MYO1B: variants seen among roughly 807,000 people sequenced by gnomAD.
The protein encoded by MYO1B is unconventional myosin-Ib.
Under a neutral mutation model 159.7 loss-of-function variants are expected in MYO1B, and 72 were observed. That is an observed-to-expected ratio of 0.45 (90% CI 0.37 to 0.55). The LOEUF (loss-of-function observed/expected upper bound fraction) is 0.55, where lower values mean the gene tolerates loss of function less well. MYO1B is among the 20% of genes least tolerant of loss of function. MYO1B has a pLI of 0.00. For synonymous variants in MYO1B, 468 were observed against 473.8 expected (o/e 0.99, Z 0.16); for missense variants, 1,062 against 1,364.8 (o/e 0.78, Z 3.50).
At chr2:191,281,731 C>T (rs1688074510) in intron 2 of MYO1B, among the ~76,000 whole-genome samples, 3 of 152,060 alleles carry the variant, frequency 2.0e-5, no homozygotes, top group African/African-American at 7.2e-5. Context: ...AGAACAAGGC[C>T]CAGTACAAAT....
At chr2:191,313,263 T>A (rs986244926) in intron 3 of MYO1B, among the ~76,000 whole-genome samples, 3 of 126,482 alleles carry the variant, frequency 2.4e-5, no homozygotes. Context: ...CAGGCTGGAG[T>A]GCAGTGGTGC....
intron 2 of MYO1B, among the ~76,000 whole-genome samples, chr2:191,285,149 AAG>A (rs1338543166): frequency 2.0e-5 from 3 of 152,216 alleles, no homozygotes; most frequent in Non-Finnish European, 2.9e-5. Flanking sequence ...CCATGCTGTT[AAG>A]AGAGTTTTAT....
chr2:191,396,531 G>C, intron 21 of MYO1B, 34 bp downstream of exon 21: 1 of 1,607,612 alleles, frequency 6.2e-7, no homozygotes, highest in Non-Finnish European at 8.5e-7. Flanking sequence ...TATTTATTTT[G>C]GGTTTTCTGG....
intron 9 of MYO1B, 139 bp from the exon 10 acceptor site, chr2:191,363,589 C>G: frequency 8.5e-7 from 1 of 1,171,462 alleles, no homozygotes; most frequent in South Asian, 1.8e-5. Flanking sequence ...CCTCGAATCA[C>G]AGTTGGAAAC....
intron 2 of MYO1B, 115 bp from the exon 3 acceptor site, chr2:191,295,996 G>T: frequency 2.2e-6 from 1 of 447,712 alleles, no homozygotes; most frequent in Non-Finnish European, 3.9e-6. Flanking sequence ...AATGAATGGT[G>T]AAGCAGAACT....
In MYO1B at chr2:191,367,842, A is replaced by G. The variant is rs552969547; in HGVS notation, c.1033-1700A>G. The stretch of plus-strand genomic sequence containing the variant: ...ATACTTCAGAAATCAATATAAGTAC[A>G]TCTATAGACTAACTGTGTGCTAGGC... On this transcript the variant is annotated intron_variant, in intron 11 of 30. Coordinates refer to ENST00000392318, the MANE Select transcript of MYO1B (RefSeq NM_001130158.3). Among the ~76,000 whole-genome samples, 3 of 152,360 alleles carry G rather than the reference A, an allele frequency of 2.0e-5. No homozygotes were observed. In the East Asian group the frequency reaches 5.8e-4, roughly 29 times the overall value.
intron 20 of MYO1B, 99 bp downstream of exon 20, chr2:191,393,321 C>T (rs1374142536): frequency 4.5e-6 from 6 of 1,323,058 alleles, no homozygotes; most frequent in East Asian, 2.5e-5. Context: ...ACTTAATTCT[C>T]CCAACAACCT....
intron 13 of MYO1B, among the ~76,000 whole-genome samples, chr2:191,380,297 A>T (rs571087804): frequency 6.6e-6 from 1 of 152,286 alleles, no homozygotes; most frequent in African/African-American, 2.4e-5. Context: ...CACTTCTATC[A>T]TGTATGGAGG....
intron 29 of MYO1B, among the ~76,000 whole-genome samples, chr2:191,415,670 A>G (rs1022518992): frequency 6.6e-6 from 1 of 151,078 alleles, no homozygotes; most frequent in Non-Finnish European, 1.5e-5. Context: ...CTGCCCTAGG[A>G]TATTTGTTGG....
intron 7 of MYO1B, among the ~76,000 whole-genome samples, chr2:191,357,532 T>C (rs1455800920): frequency 6.6e-6 from 1 of 152,244 alleles, no homozygotes; most frequent in Non-Finnish European, 1.5e-5. Flanking sequence ...GTGAGGAGGA[T>C]GTAGCTGCAT....
chr2:191,279,961 C>T (rs1687959868), intron 2 of MYO1B, among the ~76,000 whole-genome samples: 2 of 152,144 alleles, frequency 1.3e-5, no homozygotes, highest in African/African-American at 4.8e-5. Context: ...CACCCATAGC[C>T]TCAGCAATCT....
chr2:191,386,261 CTTA>C (rs895413157), intron 16 of MYO1B, among the ~76,000 whole-genome samples, 177 bp downstream of exon 16: 10 of 152,168 alleles, frequency 6.6e-5, no homozygotes, highest in African/African-American at 1.9e-4. Context: ...TGACTAAAAT[CTTA>C]TTAATACAGA....
chr2:191,358,252 G>A (rs1356281094), intron 7 of MYO1B, among the ~76,000 whole-genome samples: 1 of 152,280 alleles, frequency 6.6e-6, no homozygotes, highest in Non-Finnish European at 1.5e-5. Context: ...CAACCTCAGG[G>A]AAGGTGTTCA....
chr2:191,424,874 T>C lies in MYO1B; in HGVS notation c.*914T>C, dbSNP rs184708495. The C allele has an allele frequency of 5.0e-4, 76 of 152,732 alleles. No homozygotes were observed. The highest frequency in any genetic ancestry group is 1.6e-3 in the African/African-American group (68 of 41,590). 9.5% of individuals were successfully genotyped at this position (152,732 alleles called of 1,614,324 possible). On this transcript the variant is annotated 3_prime_UTR_variant, in exon 31 of 31. Transcript: ENST00000392318. ...GGGCTAAAAGCCATTCAGATAGCAG[T>C]AAAACATTCTGTATGATGTGCAATA...
At chr2:191,387,600 T>G (rs767437333) in intron 17 of MYO1B, 150 bp downstream of exon 17, 3 of 709,534 alleles carry the variant, frequency 4.2e-6, no homozygotes, top group Non-Finnish European at 7.2e-6. Flanking sequence ...GGGATTGGCT[T>G]AAAAAATGCT....
At chr2:191,422,492 T>C (rs1052366848) in intron 30 of MYO1B, among the ~76,000 whole-genome samples, 1 of 152,210 alleles carries the variant, frequency 6.6e-6, no homozygotes. Flanking sequence ...AAAAATACAC[T>C]AATGGATTTT....
chr2:191,392,372 C>A (rs553360388), intron 19 of MYO1B, among the ~76,000 whole-genome samples, 171 bp downstream of exon 19: 4 of 152,076 alleles, frequency 2.6e-5, no homozygotes, highest in Non-Finnish European at 4.4e-5. Context: ...GGGTAAGGGG[C>A]GGTAGAAGAA....
chr2:191,259,334 A>T (rs1686655987), intron 1 of MYO1B, among the ~76,000 whole-genome samples: 1 of 152,214 alleles, frequency 6.6e-6, no homozygotes, highest in Non-Finnish European at 1.5e-5. Context: ...AGCTGAAGGG[A>T]TGCAGGAAAA....
At chr2:191,270,931 G>C (rs1687418266) in intron 1 of MYO1B, among the ~76,000 whole-genome samples, 1 of 152,232 alleles carries the variant, frequency 6.6e-6, no homozygotes, top group Non-Finnish European at 1.5e-5. Context: ...GGTCTGCTGT[G>C]ACCAAACCAA....
Sources: allele counts gnomAD v4.1 joint callset (sites outside exome capture counted in the v4.1 genomes callset), GRCh38; gene constraint gnomAD v4.1.1; transcripts MANE v1.5; gene names NCBI Gene and HGNC (gene_info 2026-07-23, HGNC 2026-07-21).